The following ADAMTSL1 variants were observed in gnomAD, a reference collection of about 807,000 sequenced individuals.
ADAMTSL1 encodes ADAMTS like 1, also known as ADAMTS-like protein 1.
ADAMTSL1 carries 126 observed loss-of-function variants against 201.8 expected under a neutral mutation model. The ratio of observed to expected loss-of-function variants is 0.62; its 90% CI spans 0.54 to 0.72. The LOEUF is 0.72. Ranked by LOEUF, ADAMTSL1 falls within the 30% of genes least tolerant of loss-of-function variation. The pLI, the probability that ADAMTSL1 is intolerant of heterozygous loss-of-function variation, is 0.00. For missense variants in ADAMTSL1, 2,679 were observed against 2,277.8 expected (o/e 1.18, Z -3.59); for synonymous variants, 1,121 against 903.4 (o/e 1.24, Z -4.32).
chr9:18,260,207 A>C (rs1298990590), intron 2 of ADAMTSL1, among the ~76,000 whole-genome samples: 2 of 152,208 alleles, frequency 1.3e-5, no homozygotes, highest in Non-Finnish European at 2.9e-5. Flanking sequence ...GGACTGGCCA[A>C]TTAAAGCCCC....
chr9:18,902,696 T>C (rs1830079103), intron 26 of ADAMTSL1, among the ~76,000 whole-genome samples: 1 of 152,074 alleles, frequency 6.6e-6, no homozygotes, highest in Non-Finnish European at 1.5e-5. Context: ...TAAAAATTTA[T>C]AGAAAATGAG....
intron 1 of ADAMTSL1, among the ~76,000 whole-genome samples, chr9:17,919,492 C>T (rs989039324): frequency 3.0e-4 from 46 of 152,104 alleles, no homozygotes; most frequent in African/African-American, 1.1e-3. Context: ...TTCCCTCCCA[C>T]CCTAGCCTAA....
intron 1 of ADAMTSL1, among the ~76,000 whole-genome samples, chr9:18,492,723 C>G (rs1822328089): frequency 6.6e-6 from 1 of 152,102 alleles, no homozygotes; most frequent in African/African-American, 2.4e-5. Flanking sequence ...ATGAAATAGA[C>G]TAATTTAGAA....
intron 1 of ADAMTSL1, among the ~76,000 whole-genome samples, chr9:18,049,119 C>A (rs1202096249): frequency 6.6e-6 from 1 of 152,188 alleles, no homozygotes; most frequent in Non-Finnish European, 1.5e-5. Flanking sequence ...GGACACCAGT[C>A]ATGGGTTTAT....
chr9:18,844,052 G>A (rs186232735), intron 23 of ADAMTSL1, among the ~76,000 whole-genome samples: 58 of 152,278 alleles, frequency 3.8e-4, no homozygotes, highest in African/African-American at 1.2e-3. Context: ...GTCATTCTCC[G>A]TCCAGCTTTG....
chr9:18,433,834 A>T (rs1819603805), intron 2 of ADAMTSL1, among the ~76,000 whole-genome samples: 1 of 152,202 alleles, frequency 6.6e-6, no homozygotes, highest in South Asian at 2.1e-4. Flanking sequence ...CTGTTCCACA[A>T]TGTGTATATG....
intron 2 of ADAMTSL1, among the ~76,000 whole-genome samples, chr9:18,283,332 T>C (rs777314930): frequency 8.6e-5 from 13 of 152,046 alleles, no homozygotes; most frequent in Non-Finnish European, 1.0e-4. Context: ...TAACCAGGTG[T>C]AGTGGTTCAT....
In ADAMTSL1 at chr9:18,112,100, A is replaced by G. The variant is rs540422432; in HGVS notation, c.88-51762A>G. Among the ~76,000 whole-genome samples, 95 of 152,218 alleles carry G rather than the reference A, an allele frequency of 6.2e-4. No homozygotes were observed. In the Middle Eastern group the frequency reaches 0.01, roughly 16 times the overall value. On this transcript the variant is annotated intron_variant, in intron 1 of 29. Transcript: ENST00000680146. Reference sequence around the variant, plus strand: ...AGAGGTTTATCCATTCATTCAGCACACTTATTTAGTTGTCACCCTGTTCTA... The same window carrying G: ...AGAGGTTTATCCATTCATTCAGCACGCTTATTTAGTTGTCACCCTGTTCTA...
At chr9:18,024,948 C>T (rs1820630389) in intron 1 of ADAMTSL1, among the ~76,000 whole-genome samples, 1 of 152,002 alleles carries the variant, frequency 6.6e-6, no homozygotes, top group African/African-American at 2.4e-5. Flanking sequence ...GATTTCTTAA[C>T]AATAGCCATT....
chr9:17,930,341 C>T lies in ADAMTSL1; in HGVS notation c.87+23419C>T, dbSNP rs569654096. Reference sequence around the variant, plus strand: ...GGGGAAGGGAATGTTGAGAATTGCACGGGTAAGTTTTCTTGGGGGTAGTCC... The same window carrying T: ...GGGGAAGGGAATGTTGAGAATTGCATGGGTAAGTTTTCTTGGGGGTAGTCC... On this transcript the variant is annotated intron_variant, in intron 1 of 29. Transcript: ENST00000680146. 5.9e-5 allele frequency among the ~76,000 whole-genome samples: 9 copies of T among 152,128 alleles called. No individual in the cohort carries two copies. The South Asian group carries it at 8.3e-4, about 14-fold the overall frequency.
intron 1 of ADAMTSL1, among the ~76,000 whole-genome samples, chr9:17,966,257 G>GCTATGTCAA (rs1296991089): frequency 2.0e-5 from 3 of 152,114 alleles, no homozygotes; most frequent in African/African-American, 7.2e-5. Flanking sequence ...TATAGTAAGT[G>GCTATGTCAA]CTATGTCAGA....
At chr9:18,758,943 A>T (rs1161790692) in intron 16 of ADAMTSL1, among the ~76,000 whole-genome samples, 1 of 152,218 alleles carries the variant, frequency 6.6e-6, no homozygotes, top group Non-Finnish European at 1.5e-5. Context: ...TATATATCAT[A>T]TGCATCAATA....
chr9:18,191,515 T>A (rs1004234096), intron 2 of ADAMTSL1, among the ~76,000 whole-genome samples: 2 of 152,170 alleles, frequency 1.3e-5, no homozygotes, highest in Non-Finnish European at 2.9e-5. Flanking sequence ...TACAGCCTAA[T>A]GAAAGTGGCC....
intron 1 of ADAMTSL1, among the ~76,000 whole-genome samples, chr9:18,109,668 G>A (rs1791261954): frequency 6.6e-6 from 1 of 152,204 alleles, no homozygotes; most frequent in East Asian, 1.9e-4. Flanking sequence ...TGCATTTGAA[G>A]TATATCAGAC....
At chr9:18,798,179 T>C (rs1046716045) in intron 20 of ADAMTSL1, among the ~76,000 whole-genome samples, 36 of 152,132 alleles carry the variant, frequency 2.4e-4, no homozygotes, top group African/African-American at 8.2e-4. Context: ...GTGTTGCCAG[T>C]GTGCCTGCAT....
At chr9:18,457,360 G>T (rs112835828) in intron 2 of ADAMTSL1, among the ~76,000 whole-genome samples, 8 of 152,086 alleles carry the variant, frequency 5.3e-5, no homozygotes, top group African/African-American at 1.9e-4. Context: ...TAGAAACAGG[G>T]TCTCACTGTC....
intron 23 of ADAMTSL1, among the ~76,000 whole-genome samples, chr9:18,857,794 A>G (rs1049117587): frequency 1.3e-5 from 2 of 152,192 alleles, no homozygotes; most frequent in African/African-American, 4.8e-5. Context: ...GCTATAATCT[A>G]TGCTATCCTA....
chr9:18,619,998 A>G (rs1825928418), intron 4 of ADAMTSL1, among the ~76,000 whole-genome samples: 1 of 146,858 alleles, frequency 6.8e-6, no homozygotes. Context: ...CAAGGCAATT[A>G]GGTTATCAGT....
At chr9:17,951,318 G>C (rs1827719815) in intron 1 of ADAMTSL1, among the ~76,000 whole-genome samples, 1 of 152,144 alleles carries the variant, frequency 6.6e-6, no homozygotes, top group African/African-American at 2.4e-5. Flanking sequence ...ACATGAGTCT[G>C]CCCAGAGTTT....
Sources: gnomAD v4.1 joint callset for allele counts (sites outside exome capture counted in the v4.1 genomes callset) on GRCh38, gnomAD v4.1.1 for gene constraint, MANE v1.5 for transcripts, NCBI Gene and HGNC (gene_info 2026-07-23, HGNC 2026-07-21) for gene names.